TCF4: variants seen among roughly 807,000 people sequenced by gnomAD.
The protein encoded by TCF4 is transcription factor 4.
A neutral mutation model predicts 82.1 loss-of-function variants in TCF4; 3 were observed. The observed-to-expected ratio is 0.04, with a 90% CI of 0.02 to 0.09. The LOEUF (loss-of-function observed/expected upper bound fraction) is 0.09, where lower values mean the gene tolerates loss of function less well. TCF4 is among the 10% of genes least tolerant of loss of function. The pLI is 1.00. For synonymous variants in TCF4, 276 were observed against 309.6 expected (o/e 0.89, Z 1.14); for missense variants, 518 against 852.7 (o/e 0.61, Z 4.89).
chr18:55,583,836 C>A (rs766121732), intron 3 of TCF4, among the ~76,000 whole-genome samples: 43 of 152,010 alleles, frequency 2.8e-4, no homozygotes, highest in Admixed American at 2.5e-3. Flanking sequence ...ACCTTTACAT[C>A]AAACATGCAT....
chr18:55,502,063 C>T (rs2096708121), intron 3 of TCF4, among the ~76,000 whole-genome samples: 2 of 152,144 alleles, frequency 1.3e-5, no homozygotes, highest in Non-Finnish European at 2.9e-5. Flanking sequence ...TTTGCAATCC[C>T]CTAAGTGAAA....
chr18:55,521,178 C>T (rs1398597179), intron 3 of TCF4, among the ~76,000 whole-genome samples: 1 of 152,098 alleles, frequency 6.6e-6, no homozygotes, highest in Non-Finnish European at 1.5e-5. Context: ...ATGGAATTAT[C>T]GTTTCCTAAC....
chr18:55,606,991 G>T (rs923458102), intron 2 of TCF4, among the ~76,000 whole-genome samples: 10 of 152,156 alleles, frequency 6.6e-5, no homozygotes, highest in Non-Finnish European at 1.2e-4. Context: ...TCAGAGGGAA[G>T]GGGGAATGAG....
intron 5 of TCF4, among the ~76,000 whole-genome samples, chr18:55,435,185 G>C (rs1021483455): frequency 6.6e-5 from 10 of 152,164 alleles, no homozygotes; most frequent in African/African-American, 2.4e-4. Context: ...TGCTTGCTTA[G>C]CCCAATGCCT....
chr18:55,373,877 T>G (rs2090036273), intron 6 of TCF4, among the ~76,000 whole-genome samples: 1 of 151,850 alleles, frequency 6.6e-6, no homozygotes, highest in African/African-American at 2.4e-5. Context: ...GCATATGAAA[T>G]GCTTAAAAAA....
At chr18:55,531,469 T>G (rs2097062524) in intron 3 of TCF4, among the ~76,000 whole-genome samples, 1 of 151,856 alleles carries the variant, frequency 6.6e-6, no homozygotes, top group Admixed American at 6.6e-5. Context: ...GATAGCAAAA[T>G]AGAAATATAG....
chr18:55,259,792 A>AT, intron 13 of TCF4, 157 bp downstream of exon 13: 1 of 663,798 alleles, frequency 1.5e-6, no homozygotes, highest in South Asian at 1.8e-5. Flanking sequence ...TTATCTGGTA[A>AT]TTTGTCTCTC....
At chr18:55,455,605 T>C (rs1156501150) in intron 5 of TCF4, among the ~76,000 whole-genome samples, 4 of 151,498 alleles carry the variant, frequency 2.6e-5, no homozygotes, top group Non-Finnish European at 4.4e-5. Context: ...CTTGTATCAC[T>C]ACCTAATTTC....
At chr18:55,290,277 G>A (rs906980176) in intron 8 of TCF4, among the ~76,000 whole-genome samples, 2 of 152,124 alleles carry the variant, frequency 1.3e-5, no homozygotes, top group African/African-American at 2.4e-5. Context: ...CTTTAGATGC[G>A]ATTGGAGTGA....
At chr18:55,532,082 G>A (rs2097069860) in intron 3 of TCF4, among the ~76,000 whole-genome samples, 2 of 152,148 alleles carry the variant, frequency 1.3e-5, no homozygotes, top group African/African-American at 4.8e-5. Context: ...TAAATTCAAA[G>A]AAATAAGAAG....
At chr18:55,587,900 G>T in intron 1 of TCF4, 138 bp downstream of exon 1, 1 of 703,038 alleles carries the variant, frequency 1.4e-6, no homozygotes, top group Non-Finnish European at 1.7e-6. Flanking sequence ...GGAGGGGAAG[G>T]GGTGTCTCTT....
intron 8 of TCF4, chr18:55,322,425 G>GAGA (rs2075823185): frequency 5.0e-5 from 39 of 776,926 alleles, no homozygotes; most frequent in Non-Finnish European, 5.5e-5. Flanking sequence ...GGGGAGGGAA[G>GAGA]AAAAAAAAAA....
intron 8 of TCF4, among the ~76,000 whole-genome samples, chr18:55,314,614 G>A (rs2073581233): frequency 6.6e-6 from 1 of 151,240 alleles, no homozygotes; most frequent in African/African-American, 2.4e-5. Flanking sequence ...GGAGTACAGG[G>A]CACTTGTATC....
intron 1 of TCF4, among the ~76,000 whole-genome samples, chr18:55,587,440 AG>A (rs1411555471): frequency 6.6e-6 from 1 of 151,250 alleles, no homozygotes; most frequent in Non-Finnish European, 1.5e-5. Context: ...AATCAGGGAA[AG>A]AAAAAAAAAA....
At chr18:55,298,514 G>GA (rs978415161) in intron 8 of TCF4, among the ~76,000 whole-genome samples, 2 of 151,042 alleles carry the variant, frequency 1.3e-5, no homozygotes, top group Non-Finnish European at 3.0e-5. Flanking sequence ...AATGTTTTTA[G>GA]AAAAAAACCC....
chr18:55,404,451 G>A (rs990514355), intron 5 of TCF4: 2 of 152,254 alleles, frequency 1.3e-5, no homozygotes, highest in African/African-American at 4.8e-5. Context: ...AGGTGCCTAA[G>A]ACCCCACCCC....
intron 2 of TCF4, among the ~76,000 whole-genome samples, chr18:55,595,145 G>A (rs994141051): frequency 4.6e-5 from 7 of 152,216 alleles, no homozygotes; most frequent in Admixed American, 6.5e-5. Flanking sequence ...CTCTGAGGCT[G>A]CCACTAAATC....
intron 5 of TCF4, among the ~76,000 whole-genome samples, chr18:55,408,956 G>A (rs971798542): frequency 6.6e-6 from 1 of 152,100 alleles, no homozygotes; most frequent in Admixed American, 6.6e-5. Context: ...CATTTACATG[G>A]TGTTTTATTC....
At chr18:55,446,333 A>G (rs933174908) in intron 5 of TCF4, among the ~76,000 whole-genome samples, 2 of 152,134 alleles carry the variant, frequency 1.3e-5, no homozygotes, top group South Asian at 2.1e-4. Context: ...AATGAAGGGG[A>G]AAAACCCCTT....
Sources: allele counts gnomAD v4.1 joint callset (sites outside exome capture counted in the v4.1 genomes callset), GRCh38; gene constraint gnomAD v4.1.1; transcripts MANE v1.5; gene names NCBI Gene and HGNC (gene_info 2026-07-23, HGNC 2026-07-21).